Variants in NRXN3 observed in about 807,000 individuals in gnomAD.
NRXN3 encodes the protein neurexin III.
In NRXN3, 32 loss-of-function variants were observed where a neutral mutation model predicts 137.6. That is an observed-to-expected ratio of 0.23 (90% confidence interval 0.18 to 0.31). NRXN3 has a LOEUF of 0.31. NRXN3 is among the 10% of genes least tolerant of loss of function. The probability of loss-of-function intolerance (pLI) is 1.00; values close to 1 mark genes in which losing one functional copy is unlikely to be tolerated. For synonymous variants in NRXN3, 798 were observed against 784.5 expected, an observed-to-expected ratio of 1.02 and a Z score of -0.29; for missense variants, 1,574 against 2,062.5, an observed-to-expected ratio of 0.76 and a Z score of 4.59.
chr14:78,301,801 T>C (rs1286568239), intron 4 of NRXN3, among the ~76,000 whole-genome samples: 1 of 152,230 alleles, frequency 6.6e-6, no homozygotes, highest in Non-Finnish European at 1.5e-5. Context: ...TTTCTGGGTC[T>C]TTGAAAAGTT....
chr14:78,861,629 C>A (rs1052712719), intron 10 of NRXN3, among the ~76,000 whole-genome samples: 2 of 152,136 alleles, frequency 1.3e-5, no homozygotes, highest in Non-Finnish European at 2.9e-5. Context: ...AATAGACATA[C>A]ATGATGCTGT....
intron 15 of NRXN3, among the ~76,000 whole-genome samples, chr14:79,213,631 G>T (rs571697737): frequency 2.6e-5 from 4 of 151,296 alleles, no homozygotes; most frequent in East Asian, 1.9e-4. Flanking sequence ...TTTTTGGGGG[G>T]GGGTGGCGGG....
At chr14:78,852,980 C>T (rs1366975582) in intron 10 of NRXN3, among the ~76,000 whole-genome samples, 1 of 151,632 alleles carries the variant, frequency 6.6e-6, no homozygotes, top group Non-Finnish European at 1.5e-5. Context: ...AACATAATGA[C>T]CCCCAGTTCC....
At chr14:79,836,536 C>T (rs1474529599) in intron 20 of NRXN3, among the ~76,000 whole-genome samples, 1 of 152,158 alleles carries the variant, frequency 6.6e-6, no homozygotes, top group Non-Finnish European at 1.5e-5. Context: ...TCTCAAAAAT[C>T]TTTCTTTTGT....
chr14:79,805,241 A>G, intron 20 of NRXN3, 51 bp downstream of exon 20: 1 of 1,289,414 alleles, frequency 7.8e-7, no homozygotes, highest in Non-Finnish European at 1.1e-6. Flanking sequence ...TTTTGCAAAA[A>G]ACAATACATA....
At chr14:78,672,545 A>G (rs539464545) in intron 6 of NRXN3, among the ~76,000 whole-genome samples, 1 of 152,290 alleles carries the variant, frequency 6.6e-6, no homozygotes, top group East Asian at 1.9e-4. Context: ...CAGGTCCAAG[A>G]GACAGTGAGT....
At chr14:79,476,920 A>G (rs1351351387) in intron 16 of NRXN3, among the ~76,000 whole-genome samples, 1 of 152,140 alleles carries the variant, frequency 6.6e-6, no homozygotes, top group Non-Finnish European at 1.5e-5. Flanking sequence ...AAAGTTTTAG[A>G]GTAGAAAGCA....
intron 15 of NRXN3, chr14:79,248,767 C>T (rs973785421): frequency 6.6e-6 from 1 of 152,190 alleles, no homozygotes; most frequent in African/African-American, 2.4e-5. Context: ...AAGAAAGTGA[C>T]TTTTTATTCC....
At chr14:79,289,963 C>T (rs942009646) in intron 15 of NRXN3, among the ~76,000 whole-genome samples, 5 of 152,090 alleles carry the variant, frequency 3.3e-5, no homozygotes, top group Non-Finnish European at 7.3e-5. Context: ...AACCAGCAAG[C>T]CACATTTTCT....
At chr14:79,758,327 C>T (rs1287288532) in intron 19 of NRXN3, among the ~76,000 whole-genome samples, 1 of 152,176 alleles carries the variant, frequency 6.6e-6, no homozygotes, top group African/African-American at 2.4e-5. Context: ...GCATCTCCTT[C>T]TGGTGCTGCC....
chr14:79,160,901 AT>A (rs2153062444), intron 15 of NRXN3, among the ~76,000 whole-genome samples: 1 of 151,984 alleles, frequency 6.6e-6, no homozygotes, highest in South Asian at 2.1e-4. Context: ...ATAATTAATT[AT>A]TTGCTATATT....
intron 4 of NRXN3, among the ~76,000 whole-genome samples, chr14:78,438,287 T>G (rs929210918): frequency 6.6e-6 from 1 of 152,176 alleles, no homozygotes; most frequent in Non-Finnish European, 1.5e-5. Flanking sequence ...AGAGAATCAT[T>G]AAGCAGCTGG....
At chr14:78,315,125 C>T (rs981398921) in intron 4 of NRXN3, among the ~76,000 whole-genome samples, 27 of 151,766 alleles carry the variant, frequency 1.8e-4, no homozygotes, top group African/African-American at 6.3e-4. Flanking sequence ...AATTCTTCTG[C>T]CTCAGCCTCC....
At chr14:78,652,055 A>AT (rs2097750382) in intron 6 of NRXN3, among the ~76,000 whole-genome samples, 1 of 152,224 alleles carries the variant, frequency 6.6e-6, no homozygotes, top group Non-Finnish European at 1.5e-5. Context: ...TGATTTTGTG[A>AT]TTTTGACCTG....
In NRXN3 at chr14:78,647,499, G is replaced by C. The variant is rs1383532000; in HGVS notation, c.1059+2078G>C. 5.9e-5 allele frequency among the ~76,000 whole-genome samples: 9 copies of C among 152,228 alleles called. No homozygotes were observed. The South Asian group carries it at 1.9e-3, about 32-fold the overall frequency. On this transcript the variant is annotated intron_variant, in intron 5 of 20. Coordinates refer to ENST00000335750, the MANE Select transcript of NRXN3 (RefSeq NM_001330195.2). ...TATAGACGTGCTGTGACGTGCACATGATCTACAGGCTGAGCTTTCTGTTTC... is the reference window on the plus strand; with the variant it reads ...TATAGACGTGCTGTGACGTGCACATCATCTACAGGCTGAGCTTTCTGTTTC...
chr14:79,190,959 C>A (rs763385702), intron 15 of NRXN3, among the ~76,000 whole-genome samples: 1 of 152,142 alleles, frequency 6.6e-6, no homozygotes, highest in East Asian at 1.9e-4. Flanking sequence ...ATGAATCAGA[C>A]GTACACATAC....
chr14:79,046,819 A>G (rs1173077208), intron 15 of NRXN3, among the ~76,000 whole-genome samples: 1 of 152,208 alleles, frequency 6.6e-6, no homozygotes, highest in Non-Finnish European at 1.5e-5. Flanking sequence ...GTAAATTTTA[A>G]TATCATTCTA....
chr14:78,751,370 G>A (rs945229840), intron 8 of NRXN3, among the ~76,000 whole-genome samples: 15 of 152,190 alleles, frequency 9.9e-5, no homozygotes, highest in African/African-American at 2.9e-4. Context: ...TTGCCCCCCA[G>A]TGTGGTGATG....
chr14:78,363,877 A>G (rs962201557), intron 4 of NRXN3, among the ~76,000 whole-genome samples: 12 of 152,328 alleles, frequency 7.9e-5, no homozygotes, highest in Middle Eastern at 3.4e-3. Flanking sequence ...ATTGTTTTTG[A>G]GAACCTCCCT....
Sources: allele counts gnomAD v4.1 joint callset (sites outside exome capture counted in the v4.1 genomes callset), GRCh38; gene constraint gnomAD v4.1.1; transcripts MANE v1.5; gene names NCBI Gene and HGNC (gene_info 2026-07-23, HGNC 2026-07-21).